Variants in NKAIN2 observed in about 807,000 individuals in gnomAD.
NKAIN2 encodes sodium/potassium transporting ATPase interacting 2, also known as sodium/potassium-transporting ATPase subunit beta-1-interacting protein 2.
In NKAIN2, 14 loss-of-function variants were observed where a neutral mutation model predicts 32.6. The ratio of observed to expected loss-of-function variants is 0.43; its 90% confidence interval spans 0.28 to 0.67. The LOEUF (loss-of-function observed/expected upper bound fraction) is 0.67. NKAIN2 is among the 30% of genes least tolerant of loss of function. The pLI is 0.17. For missense variants in NKAIN2, 198 were observed against 258.3 expected, an observed-to-expected ratio of 0.77 and a Z score of 1.60; for synonymous variants, 80 against 87.2, an observed-to-expected ratio of 0.92 and a Z score of 0.46.
intron 1 of NKAIN2, among the ~76,000 whole-genome samples, chr6:124,138,645 T>G (rs1242081786): frequency 9.3e-6 from 1 of 107,830 alleles, no homozygotes; most frequent in East Asian, 2.7e-4. Context: ...GGATAATTAT[T>G]ATTAATAATT....
At chr6:123,805,917 G>A (rs566295904) in intron 1 of NKAIN2, among the ~76,000 whole-genome samples, 3 of 151,968 alleles carry the variant, frequency 2.0e-5, no homozygotes, top group Non-Finnish European at 4.4e-5. Context: ...TAATATAATA[G>A]GGCTTTCTTA....
chr6:124,392,596 G>T (rs1773190641), intron 3 of NKAIN2, among the ~76,000 whole-genome samples: 1 of 152,082 alleles, frequency 6.6e-6, no homozygotes, highest in Non-Finnish European at 1.5e-5. Context: ...GACTGTAGCA[G>T]TTGCCATTGA....
intron 2 of NKAIN2, among the ~76,000 whole-genome samples, chr6:124,347,652 C>T (rs950880786): frequency 2.0e-5 from 3 of 152,210 alleles, no homozygotes; most frequent in African/African-American, 7.2e-5. Context: ...CTGCATTCTT[C>T]ACGTAGTTCT....
intron 5 of NKAIN2, among the ~76,000 whole-genome samples, chr6:124,806,942 T>A (rs1289989526): frequency 6.6e-6 from 1 of 152,108 alleles, no homozygotes; most frequent in Admixed American, 6.5e-5. Context: ...GAGCTAACTA[T>A]CCTAAATATA....
At chr6:124,432,615 A>T (rs957168719) in intron 3 of NKAIN2, among the ~76,000 whole-genome samples, 27 of 152,132 alleles carry the variant, frequency 1.8e-4, no homozygotes, top group African/African-American at 6.5e-4. Context: ...TCAAAAATCT[A>T]AACAAATAAA....
chr6:124,531,481 C>T (rs1779523119), intron 3 of NKAIN2, among the ~76,000 whole-genome samples: 1 of 152,156 alleles, frequency 6.6e-6, no homozygotes. Context: ...CATCTGTATT[C>T]ATCAAGGATA....
At chr6:123,934,147 G>T (rs1776394247) in intron 1 of NKAIN2, among the ~76,000 whole-genome samples, 2 of 152,156 alleles carry the variant, frequency 1.3e-5, no homozygotes, top group Admixed American at 1.3e-4. Context: ...TGATATAAAA[G>T]TCTGTAATCT....
At chr6:124,448,309 T>C (rs1775975063) in intron 3 of NKAIN2, among the ~76,000 whole-genome samples, 1 of 152,148 alleles carries the variant, frequency 6.6e-6, no homozygotes, top group Non-Finnish European at 1.5e-5. Flanking sequence ...CTACTTGATG[T>C]TTAAACAACT....
At chr6:124,034,495 C>G (rs1411073372) in intron 1 of NKAIN2, among the ~76,000 whole-genome samples, 1 of 152,026 alleles carries the variant, frequency 6.6e-6, no homozygotes, top group African/African-American at 2.4e-5. Flanking sequence ...GTATATGAAT[C>G]ACATTTTTAA....
intron 1 of NKAIN2, among the ~76,000 whole-genome samples, chr6:124,258,709 A>C (rs1229325481): frequency 6.6e-6 from 1 of 152,252 alleles, no homozygotes; most frequent in Non-Finnish European, 1.5e-5. Flanking sequence ...AGAGGAAATT[A>C]AATAGTACGT....
At position 124,012,524 on chromosome 6, in the gene NKAIN2, C is replaced by T. The variant is rs568742876; in HGVS notation, c.54+208270C>T. On this transcript the variant is annotated intron_variant, in intron 1 of 6. Coordinates refer to ENST00000368417, the MANE Select transcript of NKAIN2 (RefSeq NM_001040214.3). ...CTAATTTTTGTATTTTTAGTAGAGACGGGGTTTCACCATATTGGCCAGACT... is the reference window on the plus strand; with the variant it reads ...CTAATTTTTGTATTTTTAGTAGAGATGGGGTTTCACCATATTGGCCAGACT... Among the ~76,000 whole-genome samples, 424 of 151,918 alleles carry T rather than the reference C, an allele frequency of 2.8e-3. 1 individual carries two copies. Among genetic ancestry groups the T allele is most frequent in the East Asian group, 9.3e-3 (48 of 5,148 alleles).
Position 124,348,434 on chromosome 6 carries a change from G to A in NKAIN2, c.193-6833G>A, listed in dbSNP as rs1302063847. 2.0e-5 allele frequency among the ~76,000 whole-genome samples: 3 copies of A among 152,322 alleles called. 1 individual carries two copies. The South Asian group carries it at 6.2e-4, about 32-fold the overall frequency. ...TTTGTTTGTCTGTGTCCTGCCCCCA[G>A]AGGTGGAGCCTACAGAGGCAGGCAG... On this transcript the variant is annotated intron_variant, in intron 2 of 6. Transcript: ENST00000368417.
intron 3 of NKAIN2, among the ~76,000 whole-genome samples, chr6:124,536,050 C>A (rs1050047190): frequency 6.6e-6 from 1 of 152,170 alleles, no homozygotes; most frequent in Non-Finnish European, 1.5e-5. Flanking sequence ...TTCCGTGGAG[C>A]CACGCAGAAG....
intron 1 of NKAIN2, among the ~76,000 whole-genome samples, chr6:124,196,575 C>T (rs1044751685): frequency 6.6e-6 from 1 of 152,016 alleles, no homozygotes; most frequent in Non-Finnish European, 1.5e-5. Flanking sequence ...ATATACCCAA[C>T]CTTTGCATCT....
chr6:124,438,486 G>T (rs1220448325), intron 3 of NKAIN2, among the ~76,000 whole-genome samples: 3 of 152,108 alleles, frequency 2.0e-5, no homozygotes, highest in African/African-American at 7.2e-5. Context: ...TCTTAACTGT[G>T]CTTCCTTCTG....
chr6:124,237,735 G>A (rs1048094980), intron 1 of NKAIN2, among the ~76,000 whole-genome samples: 3 of 152,134 alleles, frequency 2.0e-5, no homozygotes, highest in African/African-American at 4.8e-5. Context: ...AATGCATTAA[G>A]CATTATGGTC....
chr6:124,723,744 C>G (rs1332901480), intron 4 of NKAIN2, among the ~76,000 whole-genome samples: 1 of 152,130 alleles, frequency 6.6e-6, no homozygotes, highest in African/African-American at 2.4e-5. Context: ...AATTAAGAAG[C>G]TTTAGCTTAT....
At chr6:123,940,161 C>T (rs528280461) in intron 1 of NKAIN2, among the ~76,000 whole-genome samples, 5 of 151,900 alleles carry the variant, frequency 3.3e-5, no homozygotes, top group South Asian at 4.2e-4. Context: ...ATCTGCTGCT[C>T]GTGAGACAAA....
At chr6:124,219,556 C>A (rs2689883) in intron 1 of NKAIN2, among the ~76,000 whole-genome samples, 1 of 151,842 alleles carries the variant, frequency 6.6e-6, no homozygotes, top group Non-Finnish European at 1.5e-5. Flanking sequence ...GGGATTACAA[C>A]TGTGAGCCAC....
Sources: gnomAD v4.1 joint callset for allele counts (sites outside exome capture counted in the v4.1 genomes callset) on GRCh38, gnomAD v4.1.1 for gene constraint, MANE v1.5 for transcripts, NCBI Gene and HGNC (gene_info 2026-07-23, HGNC 2026-07-21) for gene names.